CNDP1: variants seen among roughly 807,000 people sequenced by gnomAD.
CNDP1 encodes beta-Ala-His dipeptidase.
CNDP1 carries 44 observed loss-of-function variants against 58.1 expected under a neutral mutation model. The ratio of observed to expected loss-of-function variants is 0.76; its 90% CI spans 0.60 to 0.97. The LOEUF is 0.97. Among genes scored for constraint, CNDP1 ranks in the 50% least tolerant of loss-of-function variants. The pLI is 0.00. For missense variants in CNDP1, 616 were observed against 655.1 expected (o/e 0.94, Z 0.65); for synonymous variants, 254 against 252.6 (o/e 1.01, Z -0.05).
chr18:74,572,790 CAAAA>C (rs56059264), intron 7 of CNDP1, among the ~76,000 whole-genome samples: 5 of 60,070 alleles, frequency 8.3e-5, no homozygotes, highest in African/African-American at 3.6e-4. Context: ...GACCCTGTAT[CAAAA>C]AAAAAAAAAA....
chr18:74,567,078 G>A lies in CNDP1; in HGVS notation c.556-155G>A. The stretch of plus-strand genomic sequence containing the variant: ...TACTCACTATCACGAGAATAGCACA[G>A]GAAAGACTGGCCCCCATGATTCAAT... On this transcript the variant is annotated intron_variant, in intron 5 of 11. Coordinates refer to ENST00000358821, the MANE Select transcript of CNDP1 (RefSeq NM_032649.6). 4.7e-6 allele frequency: 3 copies of A among 639,430 alleles called. No homozygotes were observed. The South Asian group carries it at 5.5e-5, about 12-fold the overall frequency. The allele number at this position is 639,430 out of a possible 1,614,324, so 39.6% of individuals were successfully genotyped here.
chr18:74,547,213 C>G (rs1467432899), intron 1 of CNDP1, among the ~76,000 whole-genome samples: 1 of 152,220 alleles, frequency 6.6e-6, no homozygotes, highest in East Asian at 1.9e-4. Flanking sequence ...TGTGTTATAA[C>G]AAATTCATCA....
At chr18:74,562,599 G>C (rs2144658416) in intron 5 of CNDP1, among the ~76,000 whole-genome samples, 1 of 152,308 alleles carries the variant, frequency 6.6e-6, no homozygotes, top group South Asian at 2.1e-4. Context: ...AAATGATCAA[G>C]ATAGGAATCT....
intron 8 of CNDP1, chr18:74,577,529 G>T (rs1353145495): frequency 6.5e-6 from 1 of 152,684 alleles, no homozygotes; most frequent in Non-Finnish European, 1.5e-5. Flanking sequence ...GAATTGTTTT[G>T]CTTTTCTCTT....
intron 1 of CNDP1, among the ~76,000 whole-genome samples, chr18:74,548,742 A>G (rs183992623): frequency 6.6e-6 from 1 of 152,344 alleles, no homozygotes; most frequent in Admixed American, 6.5e-5. Context: ...AATGGTTGTG[A>G]CCAAACTGCT....
At chr18:74,572,653 T>C (rs1211630291) in intron 7 of CNDP1, among the ~76,000 whole-genome samples, 1 of 151,554 alleles carries the variant, frequency 6.6e-6, no homozygotes, top group East Asian at 1.9e-4. Context: ...CCAGGCATGA[T>C]GGTGTAGGCC....
At chr18:74,534,759 GTGCGT>G in intron 1 of CNDP1, 68 bp downstream of exon 1, 1 of 1,592,812 alleles carries the variant, frequency 6.3e-7, no homozygotes, top group Non-Finnish European at 8.6e-7. Context: ...CCGGGAGCAT[GTGCGT>G]TAAGCCCAGT....
intron 2 of CNDP1, among the ~76,000 whole-genome samples, chr18:74,557,056 C>T (rs1024740023): frequency 6.6e-6 from 1 of 151,230 alleles, no homozygotes; most frequent in Admixed American, 6.6e-5. Flanking sequence ...GCTGGGATTA[C>T]AGGCACCTGC....
intron 1 of CNDP1, among the ~76,000 whole-genome samples, chr18:74,547,780 C>T (rs1426256): frequency 2.6e-5 from 4 of 152,224 alleles, no homozygotes; most frequent in African/African-American, 7.2e-5. Context: ...GCCCCAGGAC[C>T]TCTCGCTTCG....
At chr18:74,535,459 G>A (rs1467906727) in intron 1 of CNDP1, among the ~76,000 whole-genome samples, 1 of 152,142 alleles carries the variant, frequency 6.6e-6, no homozygotes, top group Non-Finnish European at 1.5e-5. Context: ...GACCACAGCC[G>A]GATTCTAGAA....
intron 1 of CNDP1, among the ~76,000 whole-genome samples, chr18:74,547,083 G>T (rs1380944240): frequency 1.3e-5 from 2 of 152,232 alleles, no homozygotes; most frequent in South Asian, 4.1e-4. Context: ...ATCTGCAGGA[G>T]CCACGTTGGC....
chr18:74,550,066 T>C (rs1216785525), intron 1 of CNDP1, among the ~76,000 whole-genome samples: 1 of 152,326 alleles, frequency 6.6e-6, no homozygotes, highest in Non-Finnish European at 1.5e-5. Context: ...GAGCCTCTAC[T>C]AGGACAGGTC....
intron 7 of CNDP1, among the ~76,000 whole-genome samples, chr18:74,573,529 A>C (rs528997056): frequency 1.2e-4 from 18 of 152,266 alleles, no homozygotes; most frequent in Admixed American, 8.5e-4. Flanking sequence ...CTCTTGGATG[A>C]TATTTCCCAT....
intron 6 of CNDP1, among the ~76,000 whole-genome samples, 179 bp from the exon 7 acceptor site, chr18:74,571,007 G>T (rs184081787): frequency 6.6e-6 from 1 of 152,178 alleles, no homozygotes; most frequent in East Asian, 1.9e-4. Flanking sequence ...TGAAGCAATC[G>T]ACAGCAGGTA....
At chr18:74,543,173 C>T (rs1444279067) in intron 1 of CNDP1, among the ~76,000 whole-genome samples, 3 of 152,252 alleles carry the variant, frequency 2.0e-5, no homozygotes, top group East Asian at 1.9e-4. Context: ...AAATACAAAA[C>T]GTAAGCAGGT....
intron 11 of CNDP1, 140 bp downstream of exon 11, chr18:74,583,848 T>G: frequency 3.7e-6 from 3 of 808,730 alleles, no homozygotes; most frequent in Non-Finnish European, 3.9e-6. Flanking sequence ...CAGACATTCA[T>G]TCCTCACAGT....
At chr18:74,582,556 G>A (rs754666743) in intron 10 of CNDP1, among the ~76,000 whole-genome samples, 8 of 152,138 alleles carry the variant, frequency 5.3e-5, no homozygotes, top group Non-Finnish European at 1.2e-4. Context: ...ACAATATAGG[G>A]ACATTGTCTT....
intron 1 of CNDP1, among the ~76,000 whole-genome samples, chr18:74,540,009 A>AATAGC (rs1484576095): frequency 2.0e-5 from 3 of 152,140 alleles, no homozygotes; most frequent in African/African-American, 7.2e-5. Flanking sequence ...CACACTATAA[A>AATAGC]ATAGCAATAA....
At chr18:74,535,908 T>C (rs1980475279) in intron 1 of CNDP1, among the ~76,000 whole-genome samples, 1 of 152,056 alleles carries the variant, frequency 6.6e-6, no homozygotes, top group African/African-American at 2.4e-5. Context: ...GGAGCATGCC[T>C]GTGGTCTCAG....
Sources: allele counts gnomAD v4.1 joint callset (sites outside exome capture counted in the v4.1 genomes callset), GRCh38; gene constraint gnomAD v4.1.1; transcripts MANE v1.5; gene names NCBI Gene and HGNC (gene_info 2026-07-23, HGNC 2026-07-21).